EYA2: variants seen among roughly 807,000 people sequenced by gnomAD.
EYA2 encodes protein phosphatase EYA2.
A neutral mutation model predicts 69.2 loss-of-function variants in EYA2; 31 were observed. The ratio of observed to expected loss-of-function variants is 0.45; its 90% CI spans 0.34 to 0.60. The LOEUF (loss-of-function observed/expected upper bound fraction) is 0.60. Among genes scored for constraint, EYA2 ranks in the 20% least tolerant of loss-of-function variants. EYA2 has a pLI of 0.02. For synonymous variants in EYA2, 257 were observed against 279.4 expected (o/e 0.92, Z 0.80); for missense variants, 622 against 701.2 (o/e 0.89, Z 1.28).
rs150984609 is a variant in EYA2, at chr20:46,943,158, G to A, written c.-10-46843G>A. Among the ~76,000 whole-genome samples the A allele has an allele frequency of 1.2e-3, 182 of 152,324 alleles. 3 individuals carry two copies. The highest frequency in any genetic ancestry group is 4.1e-3 in the African/African-American group (172 of 41,560). ...ATTTGACAGCATCTGTAGACATTTG[G>A]CTGTCACATCTAGAGGGGAGGCGTG... On this transcript the variant is annotated intron_variant, in intron 1 of 15. Coordinates refer to ENST00000327619, the MANE Select transcript of EYA2 (RefSeq NM_005244.5).
At chr20:47,087,534 G>C (rs553388661) in intron 7 of EYA2, among the ~76,000 whole-genome samples, 1 of 152,218 alleles carries the variant, frequency 6.6e-6, no homozygotes, top group Admixed American at 6.5e-5. Flanking sequence ...GAGTTACCTC[G>C]TTAGCTAAAT....
Position 47,043,934 on chromosome 20 carries a change from T to C in EYA2, c.415+27637T>C, listed in dbSNP as rs143399773. On this transcript the variant is annotated intron_variant, in intron 5 of 15. Coordinates refer to ENST00000327619, the MANE Select transcript of EYA2 (RefSeq NM_005244.5). ...GATATAGATATTGATAGTTCAACATTACGAGGTGTTTGGATCCAAACAAAG... is the reference window on the plus strand; with the variant it reads ...GATATAGATATTGATAGTTCAACATCACGAGGTGTTTGGATCCAAACAAAG... Among the ~76,000 whole-genome samples, 708 of 152,280 alleles carry C rather than the reference T, an allele frequency of 4.6e-3. 6 individuals are homozygous for C. Among genetic ancestry groups the C allele is most frequent in the African/African-American group, 0.016 (680 of 41,542 alleles).
At chr20:46,987,916 G>GACTCACTCTCTCTC (rs56288405) in intron 1 of EYA2, among the ~76,000 whole-genome samples, 9 of 20,376 alleles carry the variant, frequency 4.4e-4, no homozygotes, top group African/African-American at 1.3e-3. Flanking sequence ...GACAGAGTAA[G>GACTCACTCTCTCTC]TCTCTCTCTC....
rs554778616 is a variant in EYA2 at position 46,996,263 on chromosome 20, G to A, written c.110-5165G>A. 6.6e-5 allele frequency among the ~76,000 whole-genome samples: 10 copies of A among 152,230 alleles called. No individual in the cohort carries two copies. In the South Asian group the frequency reaches 1.7e-3, roughly 25 times the overall value. On this transcript the variant is annotated intron_variant, in intron 2 of 15. Transcript: ENST00000327619. ...TTCCTCTCTTAAAACTGGATCTTTT[G>A]CTTTGCACATTTATATTGTCTTTGT...
chr20:46,994,466 G>A (rs999965660), intron 2 of EYA2, among the ~76,000 whole-genome samples: 1 of 152,118 alleles, frequency 6.6e-6, no homozygotes. Flanking sequence ...CCAAGGAGAG[G>A]TGAAACCACC....
chr20:46,992,825 T>C (rs1981767103), intron 2 of EYA2, among the ~76,000 whole-genome samples: 1 of 152,106 alleles, frequency 6.6e-6, no homozygotes, highest in Admixed American at 6.5e-5. Context: ...ATGGGGCAGG[T>C]GGTGAGCTCC....
At chr20:46,987,408 C>T (rs186064676) in intron 1 of EYA2, among the ~76,000 whole-genome samples, 13 of 152,306 alleles carry the variant, frequency 8.5e-5, no homozygotes, top group East Asian at 3.9e-4. Flanking sequence ...ATTTGGCTTA[C>T]GGGCCATAGG....
At chr20:46,948,468 T>C (rs1238547432) in intron 1 of EYA2, among the ~76,000 whole-genome samples, 1 of 152,208 alleles carries the variant, frequency 6.6e-6, no homozygotes, top group Non-Finnish European at 1.5e-5. Context: ...AACCCATCTA[T>C]GGGTGAGACT....
chr20:47,017,033 C>T (rs1267112619), intron 5 of EYA2, among the ~76,000 whole-genome samples: 1 of 152,110 alleles, frequency 6.6e-6, no homozygotes, highest in Admixed American at 6.5e-5. Flanking sequence ...AGAGGGTGGC[C>T]TTAAGGAAGA....
chr20:47,104,240 C>T (rs188482714), intron 9 of EYA2, among the ~76,000 whole-genome samples: 30 of 152,224 alleles, frequency 2.0e-4, no homozygotes, highest in African/African-American at 7.2e-4. Flanking sequence ...TGTATATCTT[C>T]TTTGGAAAAA....
chr20:47,026,414 T>G (rs1173518434), intron 5 of EYA2, among the ~76,000 whole-genome samples: 1 of 151,928 alleles, frequency 6.6e-6, no homozygotes, highest in African/African-American at 2.4e-5. Context: ...ATGAAAAGAT[T>G]GACAGGTTCA....
chr20:47,090,061 A>G (rs1488893364), intron 8 of EYA2, among the ~76,000 whole-genome samples: 1 of 152,096 alleles, frequency 6.6e-6, no homozygotes, highest in Non-Finnish European at 1.5e-5. Context: ...TGGACTGCAC[A>G]CGACAATCAC....
chr20:46,951,703 CA>C (rs1407854648), intron 1 of EYA2, among the ~76,000 whole-genome samples: 4 of 152,190 alleles, frequency 2.6e-5, no homozygotes, highest in African/African-American at 9.7e-5. Context: ...GGACCTTATA[CA>C]GGTAATTTTC....
At chr20:47,048,883 G>T (rs1197989305) in intron 5 of EYA2, among the ~76,000 whole-genome samples, 2 of 152,220 alleles carry the variant, frequency 1.3e-5, no homozygotes, top group East Asian at 1.9e-4. Context: ...AGAGGTGAGA[G>T]TAAGAAGAAG....
intron 2 of EYA2, among the ~76,000 whole-genome samples, chr20:46,999,650 C>G (rs1044035501): frequency 1.3e-5 from 2 of 152,214 alleles, no homozygotes; most frequent in South Asian, 2.1e-4. Flanking sequence ...TTATGACTCT[C>G]TAAATGAACT....
intron 3 of EYA2, among the ~76,000 whole-genome samples, chr20:47,001,799 T>TA (rs1555811254): frequency 0.024 from 3,670 of 150,898 alleles, 62 homozygotes; most frequent in Non-Finnish European, 0.037. Flanking sequence ...TTTTTTTTTT[T>TA]TTATTCTTTT....
chr20:47,016,310 C>T lies in EYA2; in HGVS notation c.415+13C>T, dbSNP rs754490646. On this transcript the variant is annotated intron_variant, in intron 5 of 15. Transcript: ENST00000327619. ...TACCAGATGCACGGTCAGTGTGGCG[C>T]TGTGGCCCCTTCCTGCCCATCTCTA... 4 of 1,595,532 alleles carry T rather than the reference C, an allele frequency of 2.5e-6. No individual in the cohort carries two copies. The East Asian group carries it at 8.9e-5, about 36-fold the overall frequency.
At chr20:47,013,060 A>C (rs1983175799) in intron 4 of EYA2, among the ~76,000 whole-genome samples, 1 of 152,162 alleles carries the variant, frequency 6.6e-6, no homozygotes, top group African/African-American at 2.4e-5. Flanking sequence ...AGCAAACAAA[A>C]GAAGAGATGA....
At chr20:47,033,089 C>T (rs1984509948) in intron 5 of EYA2, among the ~76,000 whole-genome samples, 1 of 152,202 alleles carries the variant, frequency 6.6e-6, no homozygotes. Flanking sequence ...ATTGTGCAAC[C>T]CCCAAGACCA....
Sources: allele counts gnomAD v4.1 joint callset (sites outside exome capture counted in the v4.1 genomes callset), GRCh38; gene constraint gnomAD v4.1.1; transcripts MANE v1.5; gene names NCBI Gene and HGNC (gene_info 2026-07-23, HGNC 2026-07-21).